The following PLCB4 variants were observed in gnomAD, a reference collection of about 807,000 sequenced individuals.
PLCB4 encodes the protein phospholipase C beta 4, also known as 1-phosphatidylinositol 4,5-bisphosphate phosphodiesterase beta-4.
In PLCB4, 77 loss-of-function variants were observed where a neutral mutation model predicts 178.8. The observed-to-expected ratio is 0.43, with a 90% confidence interval of 0.36 to 0.52. The LOEUF is 0.52. Among genes scored for constraint, PLCB4 ranks in the 20% least tolerant of loss-of-function variants. The pLI is 0.00. For missense variants in PLCB4, 1,024 were observed against 1,453.4 expected (o/e 0.70, Z 4.80); for synonymous variants, 496 against 490.8 (o/e 1.01, Z -0.14).
intron 3 of PLCB4, among the ~76,000 whole-genome samples, chr20:9,257,209 C>T (rs531480688): frequency 4.0e-4 from 61 of 152,168 alleles, no homozygotes; most frequent in Non-Finnish European, 5.6e-4. Flanking sequence ...ATGTAACTTG[C>T]TCTTTCTTTG....
At position 9,470,674 on chromosome 20, in the gene PLCB4, T is replaced by C. The variant is rs529326890; in HGVS notation, c.3350+2002T>C. Reference sequence around the variant, plus strand: ...AAAATTTATCTTATTTTGAAAACTGTACTTATTTGTTGTAACTTTCTATTT... The same window carrying C: ...AAAATTTATCTTATTTTGAAAACTGCACTTATTTGTTGTAACTTTCTATTT... On this transcript the variant is annotated intron_variant, in intron 36 of 39. Transcript: ENST00000378473. Among the ~76,000 whole-genome samples the C allele has an allele frequency of 2.0e-5, 3 of 152,330 alleles. No individual in the cohort carries two copies. The South Asian group carries it at 6.2e-4, about 32-fold the overall frequency.
intron 2 of PLCB4, among the ~76,000 whole-genome samples, chr20:9,135,197 T>C (rs1372106642): frequency 6.6e-6 from 1 of 152,108 alleles, no homozygotes. Context: ...ATTTGTCAAG[T>C]ATACCTCACT....
chr20:9,396,869 T>G (rs1374472285), intron 19 of PLCB4, among the ~76,000 whole-genome samples: 1 of 152,242 alleles, frequency 6.6e-6, no homozygotes, highest in Non-Finnish European at 1.5e-5. Context: ...CTGACAATTA[T>G]CTAAACCTGC....
chr20:9,418,208 C>T (rs1032098763), intron 25 of PLCB4, among the ~76,000 whole-genome samples: 3 of 152,078 alleles, frequency 2.0e-5, no homozygotes, highest in African/African-American at 7.2e-5. Flanking sequence ...CTTTTGGTAT[C>T]ATGTTTAGAA....
chr20:9,283,158 G>T (rs2094508861), intron 3 of PLCB4, among the ~76,000 whole-genome samples: 1 of 151,876 alleles, frequency 6.6e-6, no homozygotes, highest in Admixed American at 6.6e-5. Flanking sequence ...CCCCCCAGAA[G>T]GGACACACTT....
intron 2 of PLCB4, among the ~76,000 whole-genome samples, chr20:9,123,417 CCT>C (rs953291517): frequency 3.0e-5 from 2 of 67,194 alleles, no homozygotes; most frequent in East Asian, 6.8e-4. Context: ...CTGGAAATCT[CCT>C]CTTTTTTTTT....
intron 3 of PLCB4, among the ~76,000 whole-genome samples, chr20:9,290,907 T>TA (rs911262496): frequency 6.6e-6 from 1 of 152,048 alleles, no homozygotes; most frequent in Non-Finnish European, 1.5e-5. Flanking sequence ...TCAGATAAAT[T>TA]ACAGTTTCAG....
chr20:9,190,159 A>G (rs1317345268), intron 2 of PLCB4, among the ~76,000 whole-genome samples: 5 of 152,164 alleles, frequency 3.3e-5, no homozygotes, highest in African/African-American at 1.2e-4. Context: ...ACCAGGGAAG[A>G]AAATTAGCAC....
At chr20:9,413,395 C>T (rs1179813242) in intron 25 of PLCB4, among the ~76,000 whole-genome samples, 1 of 150,054 alleles carries the variant, frequency 6.7e-6, no homozygotes, top group Non-Finnish European at 1.5e-5. Flanking sequence ...GGCAGTGGCT[C>T]ACACCTGGAA....
intron 2 of PLCB4, among the ~76,000 whole-genome samples, chr20:9,136,168 G>A (rs1021545355): frequency 3.3e-5 from 5 of 152,214 alleles, no homozygotes; most frequent in Middle Eastern, 3.4e-3. Context: ...ACTCTAAAGT[G>A]AGTCTATTTT....
At chr20:9,421,579 C>G (rs1032850035) in intron 27 of PLCB4, 118 bp downstream of exon 27, 2 of 773,346 alleles carry the variant, frequency 2.6e-6, no homozygotes, top group Non-Finnish European at 4.2e-6. Context: ...TTTTTCTCTT[C>G]TCCTAATGGC....
At position 9,362,965 on chromosome 20, in the gene PLCB4, C is replaced by G. The variant is rs1277976916; in HGVS notation, c.439C>G (p.Leu147Val). ...RANNVSPMTC[L>V]KKHWMKLAFM... ...CAACAACGTCAGTCCAATGACATGC[C>G]TCAAGAAACAGTGAGTGTTGTTTGC... The change falls in exon 8 of 40, where the codon CTC (leucine) becomes GTC (valine). Residue 147 changes from leucine to valine, a missense_variant. Physicochemically the swap from Leu to Val is conservative, Grantham distance 32 (BLOSUM62 1). Transcript: ENST00000378473. 1.2e-6 allele frequency: 2 copies of G among 1,607,418 alleles called. No individual in the cohort carries two copies. The highest frequency in any genetic ancestry group is 2.7e-5 in the African/African-American group (2 of 74,806).
intron 3 of PLCB4, among the ~76,000 whole-genome samples, chr20:9,273,241 A>T (rs1384518574): frequency 6.6e-6 from 1 of 152,162 alleles, no homozygotes; most frequent in Non-Finnish European, 1.5e-5. Context: ...ACTCTTGCCT[A>T]GTATGTATCG....
chr20:9,171,083 A>G (rs995513507), intron 2 of PLCB4, among the ~76,000 whole-genome samples: 1 of 151,860 alleles, frequency 6.6e-6, no homozygotes, highest in Non-Finnish European at 1.5e-5. Context: ...ATCTCTGAAA[A>G]CTCACACAGC....
intron 2 of PLCB4, among the ~76,000 whole-genome samples, chr20:9,102,291 T>C (rs2091186845): frequency 6.6e-6 from 1 of 152,200 alleles, no homozygotes; most frequent in Non-Finnish European, 1.5e-5. Context: ...TTCCCAGGCT[T>C]AATAGTTCTG....
intron 2 of PLCB4, among the ~76,000 whole-genome samples, chr20:9,189,738 C>T (rs2093375827): frequency 6.6e-6 from 1 of 152,188 alleles, no homozygotes; most frequent in African/African-American, 2.4e-5. Context: ...CTCTCTGCTT[C>T]ATGATGATGC....
intron 17 of PLCB4, among the ~76,000 whole-genome samples, chr20:9,392,398 A>G (rs764495271): frequency 3.3e-5 from 5 of 152,228 alleles, no homozygotes; most frequent in Non-Finnish European, 7.3e-5. Context: ...CGGTCTATGT[A>G]AATGAATAGG....
intron 28 of PLCB4, among the ~76,000 whole-genome samples, chr20:9,424,787 C>T (rs145451818): frequency 4.8e-4 from 73 of 152,162 alleles, no homozygotes; most frequent in African/African-American, 1.6e-3. Flanking sequence ...AATGTATGAG[C>T]GCATGGGGGT....
chr20:9,337,125 G>A lies in PLCB4; in HGVS notation c.85-1G>A. The A allele has an allele frequency of 6.2e-7, 1 of 1,605,680 alleles. No homozygotes were observed. The highest frequency in any genetic ancestry group is 1.1e-5 in the South Asian group (1 of 90,866). On this transcript the variant is annotated splice_acceptor_variant, in intron 4 of 39. Coordinates refer to ENST00000378473, the MANE Select transcript of PLCB4 (RefSeq NM_001377142.1). LOFTEE classifies it high-confidence loss of function. ...AAGATCAACACATTTCTTTTTGACAGGAATCCTTTGTGTTTGAACCCAACT... is the reference window on the plus strand; with the variant it reads ...AAGATCAACACATTTCTTTTTGACAAGAATCCTTTGTGTTTGAACCCAACT...
Sources: allele counts gnomAD v4.1 joint callset (sites outside exome capture counted in the v4.1 genomes callset), GRCh38; gene constraint gnomAD v4.1.1; transcripts MANE v1.5; gene names NCBI Gene and HGNC (gene_info 2026-07-23, HGNC 2026-07-21).